CHL1: variants seen among roughly 807,000 people sequenced by gnomAD.
CHL1 encodes cell adhesion molecule L1 like, also known as neural cell adhesion molecule L1-like protein.
CHL1 carries 96 observed loss-of-function variants against 141.9 expected under a neutral mutation model. That is an observed-to-expected ratio of 0.68 (90% confidence interval 0.57 to 0.80). The LOEUF is 0.80. CHL1 is among the 30% of genes least tolerant of loss of function. The pLI is 0.00. For missense variants in CHL1, 1,820 were observed against 1,457.2 expected, an observed-to-expected ratio of 1.25 and a Z score of -4.05; for synonymous variants, 613 against 502.2, an observed-to-expected ratio of 1.22 and a Z score of -2.95.
chr3:223,818 G>A (rs1483595204), intron 1 of CHL1, among the ~76,000 whole-genome samples: 1 of 152,144 alleles, frequency 6.6e-6, no homozygotes, highest in Non-Finnish European at 1.5e-5. Flanking sequence ...GGGAAATGCT[G>A]ATAGGTTGGG....
chr3:225,892 C>T (rs543639673), intron 1 of CHL1, among the ~76,000 whole-genome samples: 2 of 151,792 alleles, frequency 1.3e-5, no homozygotes, highest in South Asian at 2.1e-4. Flanking sequence ...ACCTGTAGTC[C>T]CAGCTACTCG....
chr3:226,630 A>G (rs1251538182), intron 1 of CHL1, among the ~76,000 whole-genome samples: 1 of 151,800 alleles, frequency 6.6e-6, no homozygotes, highest in Non-Finnish European at 1.5e-5. Context: ...TATTTTTAGT[A>G]GAGACAGGGT....
chr3:296,606 G>T (rs914064765), intron 2 of CHL1, among the ~76,000 whole-genome samples: 4 of 152,166 alleles, frequency 2.6e-5, no homozygotes, highest in Non-Finnish European at 4.4e-5. Context: ...CCACACTTGG[G>T]TCACATTTTG....
chr3:239,537 A>C (rs1329447603), intron 1 of CHL1, among the ~76,000 whole-genome samples: 1 of 151,400 alleles, frequency 6.6e-6, no homozygotes, highest in Non-Finnish European at 1.5e-5. Context: ...ACTACTATTA[A>C]TTGATATGTG....
intron 2 of CHL1, among the ~76,000 whole-genome samples, chr3:314,327 GTGTATATATATATA>G (rs1286331674): frequency 5.3e-5 from 3 of 57,024 alleles, no homozygotes; most frequent in South Asian, 1.0e-3. Flanking sequence ...CTCTCTCTAT[GTGTATATATATATA>G]TATATATATA....
intron 1 of CHL1, among the ~76,000 whole-genome samples, chr3:241,943 T>A (rs1199279449): frequency 1.3e-5 from 2 of 152,096 alleles, no homozygotes; most frequent in East Asian, 3.9e-4. Flanking sequence ...GTAAATAAAT[T>A]CAAAGGATTG....
At chr3:354,520 A>G (rs1343794353) in intron 10 of CHL1, 120 bp from the exon 11 acceptor site, 7 of 1,105,974 alleles carry the variant, frequency 6.3e-6, no homozygotes, top group Non-Finnish European at 7.7e-6. Flanking sequence ...AAAAAGAGCT[A>G]CTATGAAACC....
chr3:303,153 T>A (rs13313878), intron 2 of CHL1, among the ~76,000 whole-genome samples: 1 of 152,134 alleles, frequency 6.6e-6, no homozygotes, highest in African/African-American at 2.4e-5. Flanking sequence ...AGACTTGTAG[T>A]GTAGTTTGAA....
intron 10 of CHL1, 125 bp downstream of exon 10, chr3:349,668 C>A: frequency 1.3e-6 from 1 of 783,832 alleles, no homozygotes; most frequent in Non-Finnish European, 2.1e-6. Flanking sequence ...AATTGTAGTG[C>A]GGGCATTGAA....
intron 1 of CHL1, among the ~76,000 whole-genome samples, chr3:213,964 G>A (rs1028291674): frequency 6.6e-6 from 1 of 152,046 alleles, no homozygotes; most frequent in Non-Finnish European, 1.5e-5. Flanking sequence ...TAAAACAGGA[G>A]CCCTCCCTAA....
At chr3:382,111 T>G in intron 16 of CHL1, 68 bp from the exon 17 acceptor site, 11 of 1,310,950 alleles carry the variant, frequency 8.4e-6, no homozygotes, top group East Asian at 2.5e-5. Flanking sequence ...TAGCTGGCAA[T>G]GTGTCTGAGG....
intron 4 of CHL1, among the ~76,000 whole-genome samples, chr3:326,382 T>C (rs969111018): frequency 5.3e-5 from 8 of 152,038 alleles, no homozygotes; most frequent in African/African-American, 1.9e-4. Context: ...AGATCCTTTA[T>C]TCTACTTAGT....
intron 2 of CHL1, among the ~76,000 whole-genome samples, chr3:254,171 C>G (rs1574868332): frequency 1.3e-5 from 2 of 152,160 alleles, no homozygotes; most frequent in South Asian, 4.1e-4. Flanking sequence ...CTCCTTTGTG[C>G]AATGTCATGT....
chr3:391,960 T>C (rs757205653), intron 23 of CHL1, among the ~76,000 whole-genome samples, 163 bp downstream of exon 23: 1 of 152,238 alleles, frequency 6.6e-6, no homozygotes, highest in Non-Finnish European at 1.5e-5. Flanking sequence ...GCAGGCCAAA[T>C]TCAGCCTGCT....
At chr3:237,577 T>C (rs1002399049) in intron 1 of CHL1, among the ~76,000 whole-genome samples, 2 of 152,222 alleles carry the variant, frequency 1.3e-5, no homozygotes, top group Non-Finnish European at 2.9e-5. Flanking sequence ...CTACTGTAGA[T>C]AAAGGCACAG....
chr3:343,751 A>G (rs1702537394), intron 8 of CHL1, among the ~76,000 whole-genome samples: 1 of 152,186 alleles, frequency 6.6e-6, no homozygotes, highest in African/African-American at 2.4e-5. Context: ...CTTTTGAAGA[A>G]CCGTCAGTTT....
intron 1 of CHL1, among the ~76,000 whole-genome samples, chr3:235,441 C>G (rs1031848590): frequency 6.6e-6 from 1 of 152,062 alleles, no homozygotes; most frequent in African/African-American, 2.4e-5. Flanking sequence ...ATGTAAAGCA[C>G]TTAAGAGAGT....
chr3:367,686 A>C (rs982000963), intron 15 of CHL1, among the ~76,000 whole-genome samples: 3 of 152,168 alleles, frequency 2.0e-5, no homozygotes, highest in African/African-American at 7.2e-5. Flanking sequence ...ATCTTCATTA[A>C]AAAATGGGAT....
intron 2 of CHL1, among the ~76,000 whole-genome samples, chr3:261,195 T>G (rs1469697494): frequency 6.6e-6 from 1 of 152,178 alleles, no homozygotes; most frequent in Non-Finnish European, 1.5e-5. Flanking sequence ...TAAAAATTAC[T>G]TAGTGAAGCC....
Sources: allele counts gnomAD v4.1 joint callset (sites outside exome capture counted in the v4.1 genomes callset), GRCh38; gene constraint gnomAD v4.1.1; transcripts MANE v1.5; gene names NCBI Gene and HGNC (gene_info 2026-07-23, HGNC 2026-07-21).